Variants in INTS10 observed in about 807,000 individuals in gnomAD.
The protein encoded by INTS10 is integrator complex subunit 10, also known as chromosome 8 open reading frame 35.
A neutral mutation model predicts 94.4 loss-of-function variants in INTS10; 44 were observed. The observed-to-expected ratio is 0.47, with a 90% CI of 0.37 to 0.60. The LOEUF is 0.60. Among genes scored for constraint, INTS10 ranks in the 20% least tolerant of loss-of-function variants. The pLI, the probability that INTS10 is intolerant of heterozygous loss-of-function variation, is 0.00. For missense variants in INTS10, 797 were observed against 868.7 expected, an observed-to-expected ratio of 0.92 and a Z score of 1.04; for synonymous variants, 341 against 320.7, an observed-to-expected ratio of 1.06 and a Z score of -0.68.
intron 10 of INTS10, among the ~76,000 whole-genome samples, chr8:19,830,844 T>C (rs1281709047): frequency 6.6e-6 from 1 of 152,194 alleles, no homozygotes; most frequent in Non-Finnish European, 1.5e-5. Flanking sequence ...GGCTAACTTT[T>C]TGTATTTTTA....
chr8:19,845,639 C>T, intron 15 of INTS10, 65 bp from the exon 16 acceptor site: 1 of 1,137,094 alleles, frequency 8.8e-7, no homozygotes, highest in Non-Finnish European at 1.3e-6. Context: ...GCCGAGACCC[C>T]ATTTCCTCAT....
At chr8:19,820,638 T>A in intron 4 of INTS10, 120 bp downstream of exon 4, 1 of 793,754 alleles carries the variant, frequency 1.3e-6, no homozygotes, top group Non-Finnish European at 1.9e-6. Flanking sequence ...AAGATTGAAC[T>A]GAAATAGAAG....
Position 19,837,124 on chromosome 8 carries a change from G to A in INTS10, c.1603G>A (p.Glu535Lys), listed in dbSNP as rs2067725415. The A allele has an allele frequency of 1.2e-6, 2 of 1,613,476 alleles. No homozygotes were observed. The highest frequency in any genetic ancestry group is 1.7e-6 in the Non-Finnish European group (2 of 1,179,400). Residue 535 changes from glutamate to lysine, a missense_variant, in exon 13 of 17, where the codon GAG becomes AAG. Around this residue, in one of 3 missense-constraint regions of INTS10, gnomAD observed 734 missense variants for 787.8 expected, o/e 0.93. Transcript: ENST00000397977. ...LPIQDGGKSQ[E>K]EPSKVKPKFR... ...CATTCAAGATGGAGGCAAATCCCAG[G>A]AGGAACCCTCGAAAGTAAAGCCCAA...
chr8:19,843,526 G>A lies in INTS10; in HGVS notation c.1720-550G>A, dbSNP rs2068313083. 6.6e-6 allele frequency among the ~76,000 whole-genome samples: 1 copy of A among 152,114 alleles called. No homozygotes were observed. The highest frequency in any genetic ancestry group is 1.5e-5 in the Non-Finnish European group (1 of 68,014). ...ACTCATCATCCATATCACTTTTTTA[G>A]GGCAACAAAAACAATTTAAAGTGTG... On this transcript the variant is annotated intron_variant, in intron 14 of 16. Coordinates refer to ENST00000397977, the MANE Select transcript of INTS10 (RefSeq NM_018142.4). This position sits in a 1 kb window ranked among gnomAD's most constrained non-coding sequence, Gnocchi z 4.7.
At chr8:19,818,174 C>G in intron 1 of INTS10, 101 bp from the exon 2 acceptor site, 1 of 1,127,624 alleles carries the variant, frequency 8.9e-7, no homozygotes, top group Non-Finnish European at 1.4e-6. Context: ...GCTTCACTCT[C>G]AGGCCCTCCC....
Position 19,849,342 on chromosome 8 carries a change from T to G in INTS10, c.1977-2307T>G, listed in dbSNP as rs774011208. ...TTCCTCAGTGCTCTTTTTCATGCTT[T>G]CTTTCTTTTTTAATTTGTTCCGCAT... is the stretch of plus-strand genomic sequence containing the variant. On this transcript the variant is annotated intron_variant, in intron 16 of 16. Transcript: ENST00000397977. The surrounding 1 kb of genome is among the most constrained non-coding windows in gnomAD (Gnocchi z 4.6). 7.2e-5 allele frequency: 28 copies of G among 389,582 alleles called. No homozygotes were observed. The highest frequency in any genetic ancestry group is 2.0e-4 in the East Asian group (2 of 10,126). The allele number at this position is 389,582 out of a possible 1,614,324, so 24.1% of individuals were successfully genotyped here.
intron 16 of INTS10, 196 bp downstream of exon 16, chr8:19,845,993 C>G (rs2128810000): frequency 4.3e-6 from 2 of 470,272 alleles, no homozygotes; most frequent in Non-Finnish European, 3.8e-6. Context: ...AAACACTTTG[C>G]TTAAATTGGG....
intron 13 of INTS10, 98 bp downstream of exon 13, chr8:19,837,258 C>A: frequency 1.3e-6 from 1 of 779,020 alleles, no homozygotes; most frequent in Non-Finnish European, 2.2e-6. Context: ...GAAGTCGAGG[C>A]GGGAGGATAG....
In INTS10 at chr8:19,820,475, T is replaced by G; in HGVS notation, c.398T>G (p.Leu133Arg). ...ACGTTAGAACGATCAGAAATGTTGC[T>G]TCTACTTTTGAGGCGCTTCCCTGAA... is the stretch of plus-strand genomic sequence containing the variant. ...FNTLERSEML[L>R]LLLRRFPETV... Residue 133 changes from leucine to arginine, a missense_variant, in exon 4 of 17, where the codon CTT becomes CGT. Coordinates refer to ENST00000397977, the MANE Select transcript of INTS10 (RefSeq NM_018142.4). The G allele has an allele frequency of 6.2e-7, 1 of 1,612,826 alleles. No homozygotes were observed. The highest frequency in any genetic ancestry group is 8.5e-7 in the Non-Finnish European group (1 of 1,179,006).
intron 13 of INTS10, among the ~76,000 whole-genome samples, chr8:19,841,280 C>G (rs1458252908): frequency 6.6e-6 from 1 of 152,078 alleles, no homozygotes; most frequent in African/African-American, 2.4e-5. Context: ...AACTTCCAAA[C>G]TTTTAGAAGA....
At chr8:19,827,595 C>G (rs1000754162) in intron 9 of INTS10, among the ~76,000 whole-genome samples, 3 of 152,074 alleles carry the variant, frequency 2.0e-5, no homozygotes, top group Non-Finnish European at 2.9e-5. Context: ...GGAGGGAATT[C>G]TCATTGATCC....
rs370900264 is a variant in INTS10, at chr8:19,833,084, C to T, written c.1378-85C>T. ...TCTTTGTATAGTTGCTTGCTCGTTG[C>T]TTCGTGAACCCTGGAACGGTATTTT... On this transcript the variant is annotated intron_variant, in intron 11 of 16. Coordinates refer to ENST00000397977, the MANE Select transcript of INTS10 (RefSeq NM_018142.4). The T allele has an allele frequency of 1.0e-3, 1,270 of 1,232,226 alleles. 22 individuals carry two copies. In the South Asian group the frequency reaches 0.022, roughly 21 times the overall value. The allele number at this position is 1,232,226 out of a possible 1,614,324, so 76.3% of individuals were successfully genotyped here. A position where few individuals can be genotyped will look rare whatever the true frequency, so the allele number is the denominator to read the frequency against.
chr8:19,834,371 T>C (rs2067484652), intron 12 of INTS10, among the ~76,000 whole-genome samples: 1 of 152,238 alleles, frequency 6.6e-6, no homozygotes, highest in African/African-American at 2.4e-5. Flanking sequence ...AATTGGAGAA[T>C]GTGTAAAGCA....
At chr8:19,842,997 G>C (rs2068259398) in intron 14 of INTS10, 70 bp downstream of exon 14, 1 of 1,083,476 alleles carries the variant, frequency 9.2e-7, no homozygotes, top group Non-Finnish European at 1.4e-6. Flanking sequence ...TCGAGAACTT[G>C]AGAACCTTGC....
At chr8:19,831,120 C>T (rs1489825478) in intron 10 of INTS10, among the ~76,000 whole-genome samples, 2 of 152,138 alleles carry the variant, frequency 1.3e-5, no homozygotes, top group African/African-American at 4.8e-5. Context: ...ATTCTTACTA[C>T]ACTTTGGAAT....
chr8:19,851,045 G>C lies in INTS10; in HGVS notation c.1977-604G>C, dbSNP rs191907027. ...GTGTCAGGACCCCACCTCCCGCTGC[G>C]TTTTCTTCAACATATGAGAGTCTAG... On this transcript the variant is annotated intron_variant, in intron 16 of 16. Coordinates refer to ENST00000397977, the MANE Select transcript of INTS10 (RefSeq NM_018142.4). The surrounding 1 kb of genome is among the most constrained non-coding windows in gnomAD (Gnocchi z 5.0). 6.6e-6 allele frequency among the ~76,000 whole-genome samples: 1 copy of C among 152,120 alleles called. No homozygotes were observed. The highest frequency in any genetic ancestry group is 2.4e-5 in the African/African-American group (1 of 41,430).
chr8:19,840,189 C>CA (rs1195364826), intron 13 of INTS10, among the ~76,000 whole-genome samples: 1 of 148,374 alleles, frequency 6.7e-6, no homozygotes, highest in Non-Finnish European at 1.5e-5. Flanking sequence ...CTAATAGCAT[C>CA]AAAAAAACAT....
chr8:19,828,570 A>C (rs1490240501), intron 9 of INTS10, among the ~76,000 whole-genome samples: 1 of 152,208 alleles, frequency 6.6e-6, no homozygotes, highest in Admixed American at 6.5e-5. Context: ...GGGTCCTTTC[A>C]TAAATTCCTG....
At chr8:19,841,286 G>A (rs2068104300) in intron 13 of INTS10, among the ~76,000 whole-genome samples, 1 of 152,014 alleles carries the variant, frequency 6.6e-6, no homozygotes, top group Non-Finnish European at 1.5e-5. Flanking sequence ...CAAACTTTTA[G>A]AAGAAAATTT....
Sources: allele counts gnomAD v4.1 joint callset (sites outside exome capture counted in the v4.1 genomes callset), GRCh38; gene constraint gnomAD v4.1.1; regional missense constraint gnomAD v4.1.1; non-coding constraint Gnocchi (gnomAD v3.1); transcripts MANE v1.5; gene names NCBI Gene and HGNC (gene_info 2026-07-23, HGNC 2026-07-21).